The following MOB3B variants were observed in gnomAD, a reference collection of about 807,000 sequenced individuals.
MOB3B encodes MOB kinase activator 3B, also known as MOB kinase activator-like 2B.
Under a neutral mutation model 18.7 loss-of-function variants are expected in MOB3B, and 7 were observed. That is an observed-to-expected ratio of 0.37 (90% confidence interval 0.21 to 0.70). The LOEUF is 0.70. MOB3B is among the 30% of genes least tolerant of loss of function. The probability of loss-of-function intolerance (pLI) is 0.52; values close to 1 mark genes in which losing one functional copy is unlikely to be tolerated. For missense variants in MOB3B, 253 were observed against 281.3 expected (o/e 0.90, Z 0.72); for synonymous variants, 111 against 99.9 (o/e 1.11, Z -0.66).
chr9:27,499,321 C>G (rs1388154938), intron 1 of MOB3B, among the ~76,000 whole-genome samples: 1 of 152,076 alleles, frequency 6.6e-6, no homozygotes, highest in Non-Finnish European at 1.5e-5. Flanking sequence ...TATGATTCAA[C>G]AATCAAATAA....
At chr9:27,416,293 A>G (rs1055051075) in intron 2 of MOB3B, among the ~76,000 whole-genome samples, 24 of 152,266 alleles carry the variant, frequency 1.6e-4, no homozygotes, top group African/African-American at 5.8e-4. Flanking sequence ...AGTAAGTGGC[A>G]TATCAGGGAA....
rs950083554 is a variant in MOB3B, at chr9:27,327,112, C to T, written c.*3475G>A. The T allele has an allele frequency of 1.3e-5, 2 of 152,274 alleles. No individual in the cohort carries two copies. Among genetic ancestry groups the T allele is most frequent in the African/African-American group, 4.8e-5 (2 of 41,438 alleles). 9.4% of individuals were successfully genotyped at this position (152,274 alleles called of 1,614,324 possible). A position where few individuals can be genotyped will look rare whatever the true frequency, so the allele number is the denominator to read the frequency against. The stretch of plus-strand genomic sequence containing the variant: ...TGCACATGGAAACTTCCTTCTTCCC[C>T]TCCCTCCTGTTATATGGAAAGGGAT... On this transcript the variant is annotated 3_prime_UTR_variant, in exon 4 of 4. Transcript: ENST00000262244.
At chr9:27,445,939 TCCTGACGA>T (rs1377420507) in intron 2 of MOB3B, among the ~76,000 whole-genome samples, 1 of 152,182 alleles carries the variant, frequency 6.6e-6, no homozygotes, top group Non-Finnish European at 1.5e-5. Context: ...TGCTCTCCAG[TCCTGACGA>T]CCTGGGCTGG....
At chr9:27,447,322 T>C (rs1058324) in intron 2 of MOB3B, among the ~76,000 whole-genome samples, 19,322 of 152,154 alleles carry the variant, frequency 0.13, 1,305 homozygotes, top group African/African-American at 0.17. Flanking sequence ...TCTACTGACC[T>C]CCACAGTACA....
chr9:27,372,884 G>A (rs1469410306), intron 2 of MOB3B, among the ~76,000 whole-genome samples: 3 of 152,230 alleles, frequency 2.0e-5, no homozygotes, highest in African/African-American at 7.2e-5. Flanking sequence ...TCATGTGTTA[G>A]TTCCTCAGCT....
rs1005590375 is a variant in MOB3B, at chr9:27,395,214, G to C, written c.419-35978C>G. Among the ~76,000 whole-genome samples, 6 of 152,270 alleles carry C rather than the reference G, an allele frequency of 3.9e-5. No individual in the cohort carries two copies. The South Asian group carries it at 1.2e-3, about 32-fold the overall frequency. The stretch of plus-strand genomic sequence containing the variant: ...ACAAAGTTTCAGTTAGGAGGAAAAA[G>C]TTCTGAAGATGTGTTATATACTGTG... On this transcript the variant is annotated intron_variant, in intron 2 of 3. Coordinates refer to ENST00000262244, the MANE Select transcript of MOB3B (RefSeq NM_024761.5).
intron 1 of MOB3B, among the ~76,000 whole-genome samples, chr9:27,507,282 C>T (rs1820074967): frequency 1.3e-5 from 2 of 152,184 alleles, no homozygotes; most frequent in Non-Finnish European, 2.9e-5. Context: ...TACTTCACTC[C>T]TACCTTCTTG....
At chr9:27,421,459 G>C (rs1169790509) in intron 2 of MOB3B, 1 of 152,276 alleles carries the variant, frequency 6.6e-6, no homozygotes, top group East Asian at 1.9e-4. Context: ...AGTGAGAGTA[G>C]CATAAAGTGC....
intron 1 of MOB3B, among the ~76,000 whole-genome samples, chr9:27,508,322 G>A (rs1820089224): frequency 6.6e-6 from 1 of 152,028 alleles, no homozygotes; most frequent in Non-Finnish European, 1.5e-5. Flanking sequence ...GTTTTATAAA[G>A]TATCACATTA....
chr9:27,414,515 T>C (rs1822118109), intron 2 of MOB3B, among the ~76,000 whole-genome samples: 1 of 152,254 alleles, frequency 6.6e-6, no homozygotes, highest in South Asian at 2.1e-4. Flanking sequence ...TTCTTGCCTG[T>C]GCACAGCTAA....
At chr9:27,373,512 C>T (rs181448355) in intron 2 of MOB3B, among the ~76,000 whole-genome samples, 1 of 152,260 alleles carries the variant, frequency 6.6e-6, no homozygotes, top group East Asian at 1.9e-4. Flanking sequence ...CTAAGGACCT[C>T]CCCCAGGTAC....
intron 2 of MOB3B, among the ~76,000 whole-genome samples, chr9:27,390,390 CG>C (rs1376052372): frequency 6.6e-6 from 1 of 152,164 alleles, no homozygotes; most frequent in African/African-American, 2.4e-5. Context: ...TTAGTAGAGA[CG>C]GGGTTTTGCC....
chr9:27,329,595 T>A lies in MOB3B; in HGVS notation c.*992A>T, dbSNP rs1005288110. On this transcript the variant is annotated 3_prime_UTR_variant, in exon 4 of 4. Transcript: ENST00000262244. ...GAGGGTTACAAGTCAGCCGTCTGGG[T>A]GTTAAATCTACACGTACCAAATAAC... 2.0e-5 allele frequency: 3 copies of A among 152,194 alleles called. No individual in the cohort carries two copies. The highest frequency in any genetic ancestry group is 4.4e-5 in the Non-Finnish European group (3 of 67,940). 9.4% of individuals were successfully genotyped at this position (152,194 alleles called of 1,614,324 possible). A position where few individuals can be genotyped will look rare whatever the true frequency, so the allele number is the denominator to read the frequency against.
intron 2 of MOB3B, among the ~76,000 whole-genome samples, chr9:27,425,954 G>A (rs907952228): frequency 6.6e-6 from 1 of 152,180 alleles, no homozygotes; most frequent in Admixed American, 6.5e-5. Flanking sequence ...TCCATTAGAC[G>A]TTAGACGAAA....
intron 2 of MOB3B, among the ~76,000 whole-genome samples, chr9:27,427,949 C>G (rs1308301770): frequency 2.0e-5 from 3 of 152,180 alleles, no homozygotes; most frequent in Admixed American, 6.5e-5. Context: ...GTGGGCCTGG[C>G]TACCTAGCCT....
intron 1 of MOB3B, among the ~76,000 whole-genome samples, chr9:27,522,242 C>CA (rs1171362204): frequency 0.07 from 3,929 of 56,074 alleles, 220 homozygotes; most frequent in East Asian, 0.12. Flanking sequence ...CCCCGTCTCA[C>CA]AAAAAAAAAA....
chr9:27,456,172 G>T (rs1822867781), intron 1 of MOB3B, among the ~76,000 whole-genome samples: 1 of 152,156 alleles, frequency 6.6e-6, no homozygotes, highest in Non-Finnish European at 1.5e-5. Flanking sequence ...TGGAAAAGGG[G>T]TGGCTATCAC....
chr9:27,328,849 T>G lies in MOB3B; in HGVS notation c.*1738A>C, dbSNP rs1820748004. The G allele has an allele frequency of 6.6e-6, 1 of 152,636 alleles. No individual in the cohort carries two copies. The highest frequency in any genetic ancestry group is 2.4e-5 in the African/African-American group (1 of 41,454). The allele number at this position is 152,636 out of a possible 1,614,324, so 9.5% of individuals were successfully genotyped here. A position where few individuals can be genotyped will look rare whatever the true frequency, so the allele number is the denominator to read the frequency against. On this transcript the variant is annotated 3_prime_UTR_variant, in exon 4 of 4. Transcript: ENST00000262244. ...CAAAAGAGATGTAGGGAAAAAACTT[T>G]GCCTATCTTGTCCTCTCAAAGTTAC...
chr9:27,472,834 CAA>C (rs1049599087), intron 1 of MOB3B, among the ~76,000 whole-genome samples: 2 of 152,102 alleles, frequency 1.3e-5, no homozygotes, highest in South Asian at 4.1e-4. Context: ...CTTTAGTCAA[CAA>C]AAAAATTGAA....
Sources: allele counts gnomAD v4.1 joint callset (sites outside exome capture counted in the v4.1 genomes callset), GRCh38; gene constraint gnomAD v4.1.1; transcripts MANE v1.5; gene names NCBI Gene and HGNC (gene_info 2026-07-23, HGNC 2026-07-21).